PSMA1: variants seen among roughly 807,000 people sequenced by gnomAD.
PSMA1 encodes proteasome 20S subunit alpha 1.
PSMA1 carries 3 observed loss-of-function variants against 38.4 expected under a neutral mutation model. The ratio of observed to expected loss-of-function variants is 0.08; its 90% confidence interval spans 0.04 to 0.20. The LOEUF (loss-of-function observed/expected upper bound fraction) is 0.20, where lower values mean the gene tolerates loss of function less well. Ranked by LOEUF, PSMA1 falls within the 10% of genes least tolerant of loss-of-function variation. PSMA1 has a pLI of 1.00. For missense variants in PSMA1, 227 were observed against 325.3 expected, an observed-to-expected ratio of 0.70 and a Z score of 2.32; for synonymous variants, 101 against 107.1, an observed-to-expected ratio of 0.94 and a Z score of 0.35.
At chr11:14,629,283 G>T (rs1195676821) in intron 1 of PSMA1, among the ~76,000 whole-genome samples, 1 of 151,956 alleles carries the variant, frequency 6.6e-6, no homozygotes, top group Non-Finnish European at 1.5e-5. Flanking sequence ...TTTTCTTCTA[G>T]GGTTTTTATG....
At chr11:14,511,299 C>A (rs1257643613) in intron 7 of PSMA1, among the ~76,000 whole-genome samples, 1 of 151,940 alleles carries the variant, frequency 6.6e-6, no homozygotes, top group Non-Finnish European at 1.5e-5. Flanking sequence ...AAAGGAATCT[C>A]CAACTTATTC....
At chr11:14,638,345 T>C (rs1417091900) in intron 1 of PSMA1, among the ~76,000 whole-genome samples, 1 of 151,926 alleles carries the variant, frequency 6.6e-6, no homozygotes. Context: ...TTAATAGTAA[T>C]ATAACTGCAA....
intron 2 of PSMA1, among the ~76,000 whole-genome samples, chr11:14,564,953 AT>A (rs1032118310): frequency 6.6e-6 from 1 of 151,772 alleles, no homozygotes; most frequent in Non-Finnish European, 1.5e-5. Context: ...AATTAAAAAA[AT>A]TTTTTTGTAG....
At chr11:14,546,450 T>C (rs1011801830) in intron 2 of PSMA1, among the ~76,000 whole-genome samples, 8 of 152,010 alleles carry the variant, frequency 5.3e-5, no homozygotes, top group African/African-American at 1.9e-4. Flanking sequence ...TGGCTTTTTT[T>C]CCCCCCAGAC....
intron 1 of PSMA1, among the ~76,000 whole-genome samples, chr11:14,624,569 G>C (rs554001022): frequency 6.6e-6 from 1 of 152,192 alleles, no homozygotes; most frequent in South Asian, 2.1e-4. Flanking sequence ...TCTTGCCAGG[G>C]GACAGTGAGT....
At chr11:14,635,350 G>A (rs1200659388) in intron 1 of PSMA1, among the ~76,000 whole-genome samples, 1 of 152,142 alleles carries the variant, frequency 6.6e-6, no homozygotes, top group African/African-American at 2.4e-5. Context: ...TTCACAGTTT[G>A]CACTTACATT....
At chr11:14,605,472 C>T (rs1017809623) in intron 2 of PSMA1, among the ~76,000 whole-genome samples, 14 of 152,148 alleles carry the variant, frequency 9.2e-5, no homozygotes, top group Admixed American at 2.6e-4. Context: ...CAGCCTCAAT[C>T]GCCCAGGCTC....
chr11:14,590,694 G>A (rs17489368), intron 2 of PSMA1, among the ~76,000 whole-genome samples: 3,356 of 152,328 alleles, frequency 0.022, 50 homozygotes, highest in Non-Finnish European at 0.034. Flanking sequence ...AAGAGAGATC[G>A]TAGCGGGGTC....
intron 5 of PSMA1, chr11:14,514,149 G>A: frequency 1.5e-6 from 2 of 1,321,372 alleles, no homozygotes; most frequent in South Asian, 4.7e-5. Flanking sequence ...AGGATTTCTT[G>A]GGACATCTAG....
At chr11:14,568,847 G>A (rs1291060834) in intron 2 of PSMA1, among the ~76,000 whole-genome samples, 1 of 152,170 alleles carries the variant, frequency 6.6e-6, no homozygotes, top group African/African-American at 2.4e-5. Context: ...CTGTAGCGGG[G>A]ACATCTTTCT....
At chr11:14,512,143 G>A (rs891389043) in intron 7 of PSMA1, among the ~76,000 whole-genome samples, 3 of 152,216 alleles carry the variant, frequency 2.0e-5, no homozygotes, top group Admixed American at 6.5e-5. Flanking sequence ...GGGAGGCCCA[G>A]TTGGGCGGAT....
chr11:14,625,892 G>A (rs998037546), intron 1 of PSMA1, among the ~76,000 whole-genome samples: 8 of 152,162 alleles, frequency 5.3e-5, no homozygotes, highest in African/African-American at 1.9e-4. Context: ...AACTAACACA[G>A]TGCCACCAGG....
upstream of PSMA1, chr11:14,520,494 C>T (rs1487566790): frequency 2.6e-5 from 38 of 1,443,174 alleles, no homozygotes; most frequent in Non-Finnish European, 3.2e-5. Flanking sequence ...GACCGCTCGG[C>T]GGCGGGCGGA....
At chr11:14,573,853 G>T (rs982022884) in intron 2 of PSMA1, among the ~76,000 whole-genome samples, 2 of 152,136 alleles carry the variant, frequency 1.3e-5, no homozygotes, top group African/African-American at 4.8e-5. Flanking sequence ...GGTCACTTTT[G>T]TTATGCATTA....
chr11:14,537,274 T>C (rs536480474), intron 2 of PSMA1, among the ~76,000 whole-genome samples: 1 of 152,222 alleles, frequency 6.6e-6, no homozygotes, highest in Admixed American at 6.5e-5. Flanking sequence ...TCTTCCTCCC[T>C]GACCCCACCA....
intron 8 of PSMA1, 43 bp from the exon 9 acceptor site, chr11:14,507,809 A>G (rs1390195578): frequency 8.1e-7 from 1 of 1,240,194 alleles, no homozygotes; most frequent in Non-Finnish European, 1.2e-6. Context: ...GAGAATTTGG[A>G]TGAAAAAATA....
chr11:14,518,516 A>T (rs574544977), intron 2 of PSMA1, among the ~76,000 whole-genome samples: 1 of 152,342 alleles, frequency 6.6e-6, no homozygotes, highest in South Asian at 2.1e-4. Flanking sequence ...GTTGTCTCAC[A>T]TAGTTACCCA....
upstream of PSMA1, chr11:14,520,473 T>G: frequency 6.6e-7 from 1 of 1,504,024 alleles, no homozygotes; most frequent in Non-Finnish European, 8.9e-7. Flanking sequence ...TCCCCCTCCT[T>G]AAAACTTTCC....
intron 2 of PSMA1, among the ~76,000 whole-genome samples, chr11:14,609,012 C>T (rs894000716): frequency 6.6e-6 from 1 of 152,126 alleles, no homozygotes; most frequent in Non-Finnish European, 1.5e-5. Flanking sequence ...ATGTGGTGTT[C>T]GTTTCCCTCA....
Sources: gnomAD v4.1 joint callset for allele counts (sites outside exome capture counted in the v4.1 genomes callset) on GRCh38, gnomAD v4.1.1 for gene constraint, MANE v1.5 for transcripts, NCBI Gene and HGNC (gene_info 2026-07-23, HGNC 2026-07-21) for gene names.